Variants in TAF11L12 observed in about 807,000 individuals in gnomAD.
The protein encoded by TAF11L12 is TATA-box-binding protein-associated factor 11-like protein 12.
exon 1 of TAF11L12, chr5:17,611,535 G>A (rs1408129120): frequency 2.5e-6 from 1 of 397,966 alleles, no homozygotes; most frequent in Non-Finnish European, 4.4e-6. Flanking sequence ...GCAGGTTAAA[G>A]CCCAAGGGCC....
At chr5:17,611,917 G>C (rs1739284620), downstream of TAF11L12, among the ~76,000 whole-genome samples, 1 of 151,306 alleles carries the variant, frequency 6.6e-6, no homozygotes, top group Non-Finnish European at 1.5e-5. Context: ...GATTTGTACG[G>C]TTTCATTCTG....
exon 1 of TAF11L12, chr5:17,610,635 T>G: frequency 4.7e-6 from 1 of 211,454 alleles, no homozygotes; most frequent in Non-Finnish European, 9.3e-6. Context: ...TGGAGGTCCG[T>G]CATGTGACTC....
At chr5:17,611,040 C>G (rs1348184120) in exon 1 of TAF11L12, 2 of 397,688 alleles carry the variant, frequency 5.0e-6, no homozygotes, top group Non-Finnish European at 8.9e-6. Flanking sequence ...TCGCCATGCC[C>G]CAAGGTCTGA....
downstream of TAF11L12, among the ~76,000 whole-genome samples, chr5:17,612,049 T>G (rs1266763113): frequency 6.6e-6 from 1 of 151,550 alleles, no homozygotes; most frequent in Admixed American, 6.6e-5. Context: ...TGTATTTGTT[T>G]TAGTCATCAC....
At chr5:17,610,453 A>T (rs1384899758), upstream of TAF11L12, 1 of 152,100 alleles carries the variant, frequency 6.6e-6, no homozygotes, top group East Asian at 1.9e-4. Context: ...CTCACAGCCC[A>T]GACCTGGGCA....
downstream of TAF11L12, chr5:17,611,627 T>C (rs1739278114): frequency 2.5e-6 from 1 of 397,880 alleles, no homozygotes; most frequent in Non-Finnish European, 4.4e-6. Context: ...GGAATAAGTA[T>C]CGCATTCATC....
exon 1 of TAF11L12, chr5:17,611,347 C>T (rs1477041726): frequency 3.3e-5 from 13 of 397,882 alleles, no homozygotes; most frequent in East Asian, 2.9e-4. Context: ...CCCAAAAGCA[C>T]GCATTGCAGC....
At chr5:17,611,133 T>C (rs775059348) in exon 1 of TAF11L12, 28 of 397,588 alleles carry the variant, frequency 7.0e-5, no homozygotes, top group Admixed American at 1.8e-4. Flanking sequence ...AGCTCAGAAG[T>C]CAGGATGTCA....
exon 1 of TAF11L12, chr5:17,610,811 G>A (rs1379343771): frequency 1.0e-5 from 4 of 390,052 alleles, no homozygotes; most frequent in African/African-American, 2.1e-5. Context: ...TTCAGTGTGT[G>A]TGTTTGCATG....
chr5:17,610,622 T>A (rs564088274), exon 1 of TAF11L12: 5 of 200,998 alleles, frequency 2.5e-5, no homozygotes, highest in African/African-American at 1.2e-4. Flanking sequence ...GCCAGACCCA[T>A]CCTGGAGGTC....
chr5:17,610,471 T>C (rs1164585614), upstream of TAF11L12: 1 of 152,156 alleles, frequency 6.6e-6, no homozygotes, highest in African/African-American at 2.4e-5. Context: ...GCAACACTTG[T>C]AGGAGCTGAG....
rs569529824 is a variant in TAF11L12 at position 17,611,002 on chromosome 5, A to G, written c.13A>G (p.Arg5Gly). The change falls in exon 1 of 1, where the codon AGG becomes GGG. Residue 5 changes from arginine to glycine, a missense_variant. Transcript: ENST00000503184. ...TTGAATCTCACCCATGGAGACAGGCAGGCAAAGAGGTGCGTCTGCTGAGAT... is the reference window on the plus strand; with the variant it reads ...TTGAATCTCACCCATGGAGACAGGCGGGCAAAGAGGTGCGTCTGCTGAGAT... 6.3e-5 allele frequency: 25 copies of G among 397,942 alleles called. No individual in the cohort carries two copies. In the South Asian group the frequency reaches 2.9e-3, roughly 47 times the overall value. 24.7% of individuals were successfully genotyped at this position (397,942 alleles called of 1,614,324 possible). A position where few individuals can be genotyped will look rare whatever the true frequency, so the allele number is the denominator to read the frequency against.
chr5:17,611,951 C>G (rs537277278), downstream of TAF11L12, among the ~76,000 whole-genome samples: 333 of 151,440 alleles, frequency 2.2e-3, 15 homozygotes, highest in African/African-American at 7.7e-3. Flanking sequence ...CTGTGTCTTA[C>G]CTTGTATGCT....
At chr5:17,611,436 T>G (rs1579619006) in exon 1 of TAF11L12, 7 of 397,706 alleles carry the variant, frequency 1.8e-5, no homozygotes, top group South Asian at 2.6e-4. Flanking sequence ...AGGTCTTGGT[T>G]GGAGAGGTGG....
chr5:17,611,915 C>T (rs182490073), downstream of TAF11L12, among the ~76,000 whole-genome samples: 36 of 151,390 alleles, frequency 2.4e-4, no homozygotes, highest in African/African-American at 7.0e-4. Context: ...GAGATTTGTA[C>T]GGTTTCATTC....
downstream of TAF11L12, among the ~76,000 whole-genome samples, chr5:17,611,878 G>T (rs889437442): frequency 1.5e-4 from 23 of 151,406 alleles, no homozygotes; most frequent in African/African-American, 5.4e-4. Flanking sequence ...ACAGGTAGCT[G>T]CATTTGGAGA....
downstream of TAF11L12, chr5:17,611,644 T>C (rs186552150): frequency 6.9e-3 from 2,756 of 397,592 alleles, 62 homozygotes; most frequent in Non-Finnish European, 0.01. Context: ...CATCTTCCAA[T>C]GACAGGACTG....
At chr5:17,611,857 G>T (rs1324231517), downstream of TAF11L12, among the ~76,000 whole-genome samples, 1 of 151,386 alleles carries the variant, frequency 6.6e-6, no homozygotes, top group Non-Finnish European at 1.5e-5. Flanking sequence ...TGGGCCTTGA[G>T]CATCCTGTGG....
Position 17,610,883 on chromosome 5 carries a change from C to A in TAF11L12, c.-107C>A, listed in dbSNP as rs533015119. ...TTAAACTGGCACAGCAGAAACACAG[C>A]AGCTCAACTCTTTGAAAGGTTCTCA... is the stretch of plus-strand genomic sequence containing the variant. On this transcript the variant is annotated 5_prime_UTR_variant, in exon 1 of 1. Transcript: ENST00000503184. 223 of 396,202 alleles carry A rather than the reference C, an allele frequency of 5.6e-4. 7 individuals are homozygous for A. In the South Asian group the frequency reaches 0.018, roughly 32 times the overall value. The allele number at this position is 396,202 out of a possible 1,614,324, so 24.5% of individuals were successfully genotyped here.
Sources: allele counts gnomAD v4.1 joint callset (sites outside exome capture counted in the v4.1 genomes callset), GRCh38; gene constraint gnomAD v4.1.1; transcripts MANE v1.5; gene names NCBI Gene and HGNC (gene_info 2026-07-23, HGNC 2026-07-21).